NTM: variants seen among roughly 807,000 people sequenced by gnomAD.
The protein encoded by NTM is IgLON family member 2.
A neutral mutation model predicts 42.1 loss-of-function variants in NTM; 13 were observed. The ratio of observed to expected loss-of-function variants is 0.31; its 90% confidence interval spans 0.20 to 0.49. NTM has a LOEUF of 0.49. Among genes scored for constraint, NTM ranks in the 20% least tolerant of loss-of-function variants. NTM has a pLI of 0.99. For missense variants in NTM, 373 were observed against 452.8 expected (o/e 0.82, Z 1.60); for synonymous variants, 187 against 179.2 (o/e 1.04, Z -0.35).
chr11:131,821,485 T>A lies in NTM; in HGVS notation c.83-90079T>A, dbSNP rs1054165167. Among the ~76,000 whole-genome samples, 7 of 152,330 alleles carry A rather than the reference T, an allele frequency of 4.6e-5. No homozygotes were observed. The East Asian group carries it at 1.4e-3, about 29-fold the overall frequency. On this transcript the variant is annotated intron_variant, in intron 1 of 8. Transcript: ENST00000683400. Reference sequence around the variant, plus strand: ...CACTTGAGTCTATCCTGAATTTGCATTCTCATGCTCACTAATTTTGTGGAC... The same window carrying A: ...CACTTGAGTCTATCCTGAATTTGCAATCTCATGCTCACTAATTTTGTGGAC...
intron 4 of NTM, 150 bp downstream of exon 4, chr11:132,212,297 G>T: frequency 1.6e-6 from 1 of 618,552 alleles, no homozygotes; most frequent in Non-Finnish European, 2.8e-6. Context: ...TGCAGAGAAC[G>T]TTGATGTTCT....
chr11:131,414,847 T>C (rs1946776611), intron 1 of NTM, among the ~76,000 whole-genome samples: 1 of 152,206 alleles, frequency 6.6e-6, no homozygotes, highest in South Asian at 2.1e-4. Context: ...CTTCAGAAGC[T>C]TGCATGTTAG....
chr11:131,792,400 C>A (rs570997809), intron 1 of NTM, among the ~76,000 whole-genome samples: 2 of 152,138 alleles, frequency 1.3e-5, no homozygotes, highest in Non-Finnish European at 2.9e-5. Context: ...AGATTTCTGA[C>A]ACTCCAGGTT....
intron 2 of NTM, among the ~76,000 whole-genome samples, chr11:131,967,611 A>C (rs1430729189): frequency 6.6e-6 from 1 of 152,170 alleles, no homozygotes; most frequent in Non-Finnish European, 1.5e-5. Flanking sequence ...AAGACAACCA[A>C]CTTCCCTTTC....
chr11:132,156,002 A>T (rs2073105497), intron 3 of NTM, among the ~76,000 whole-genome samples: 1 of 152,168 alleles, frequency 6.6e-6, no homozygotes, highest in South Asian at 2.1e-4. Context: ...GGCCAAGAAA[A>T]TAATAAAGTC....
intron 4 of NTM, among the ~76,000 whole-genome samples, chr11:132,292,736 A>G (rs991061868): frequency 3.4e-5 from 5 of 149,186 alleles, no homozygotes; most frequent in Non-Finnish European, 5.9e-5. Context: ...CCAGGGAGAG[A>G]GAACAATGAT....
chr11:131,971,175 G>A (rs917617367), intron 2 of NTM, among the ~76,000 whole-genome samples: 4 of 152,120 alleles, frequency 2.6e-5, no homozygotes, highest in Admixed American at 6.5e-5. Context: ...GTGTACACTC[G>A]CCAGTAGAGT....
At chr11:131,618,857 C>A (rs757529945) in intron 1 of NTM, among the ~76,000 whole-genome samples, 2 of 152,162 alleles carry the variant, frequency 1.3e-5, no homozygotes, top group African/African-American at 4.8e-5. Flanking sequence ...GTATCCATCA[C>A]CAACTATTTA....
intron 2 of NTM, among the ~76,000 whole-genome samples, chr11:131,914,831 T>TG (rs2056009607): frequency 6.6e-6 from 1 of 152,218 alleles, no homozygotes; most frequent in Non-Finnish European, 1.5e-5. Context: ...CACTATGTGT[T>TG]GGGGAGTATC....
At chr11:131,585,207 C>CT (rs1178850952) in intron 1 of NTM, among the ~76,000 whole-genome samples, 1 of 152,192 alleles carries the variant, frequency 6.6e-6, no homozygotes, top group Non-Finnish European at 1.5e-5. Context: ...TAGTGACTTT[C>CT]TTTTTGGATT....
intron 1 of NTM, among the ~76,000 whole-genome samples, chr11:131,401,799 AATATATATATATATATAT>A (rs61167647): frequency 0.011 from 401 of 34,978 alleles, 27 homozygotes; most frequent in Middle Eastern, 0.043. Context: ...GGCCACTGGA[AATATATATATATATATAT>A]ATATATATAT....
chr11:131,524,277 T>C (rs2050160034), intron 1 of NTM, among the ~76,000 whole-genome samples: 1 of 152,202 alleles, frequency 6.6e-6, no homozygotes, highest in Non-Finnish European at 1.5e-5. Context: ...ACACGATCTT[T>C]CCAGTAGGAA....
intron 1 of NTM, among the ~76,000 whole-genome samples, chr11:131,818,121 T>C (rs2093027721): frequency 6.6e-6 from 1 of 152,056 alleles, no homozygotes; most frequent in Non-Finnish European, 1.5e-5. Context: ...TAGACTGAAA[T>C]CTCCCTCCTT....
chr11:132,051,337 G>A (rs1003589647), intron 2 of NTM, among the ~76,000 whole-genome samples: 12 of 152,304 alleles, frequency 7.9e-5, no homozygotes, highest in Middle Eastern at 3.4e-3. Flanking sequence ...CTGAGGCCCT[G>A]AGAGATTATG....
intron 1 of NTM, among the ~76,000 whole-genome samples, chr11:131,781,332 T>A (rs1254947261): frequency 2.0e-5 from 3 of 151,854 alleles, no homozygotes; most frequent in Admixed American, 6.6e-5. Flanking sequence ...AGAATTTAAG[T>A]TCATAAAAAC....
At chr11:131,481,084 TA>T (rs998809990) in intron 1 of NTM, among the ~76,000 whole-genome samples, 51 of 152,032 alleles carry the variant, frequency 3.4e-4, no homozygotes, top group African/African-American at 1.0e-3. Flanking sequence ...GTAGAGTAGG[TA>T]GAAATGGACA....
chr11:132,090,014 G>A (rs997715582), intron 2 of NTM, among the ~76,000 whole-genome samples: 1 of 152,052 alleles, frequency 6.6e-6, no homozygotes, highest in East Asian at 1.9e-4. Context: ...CACTCTTCCA[G>A]ATGCTTTGTA....
At chr11:132,190,484 T>G (rs1047425946) in intron 3 of NTM, among the ~76,000 whole-genome samples, 3 of 152,092 alleles carry the variant, frequency 2.0e-5, no homozygotes, top group Non-Finnish European at 4.4e-5. Flanking sequence ...ACACCTGTAA[T>G]CCCAGCACTT....
chr11:132,250,846 G>T (rs973498231), intron 4 of NTM, among the ~76,000 whole-genome samples: 1 of 151,908 alleles, frequency 6.6e-6, no homozygotes, highest in African/African-American at 2.4e-5. Flanking sequence ...TCCATTATCT[G>T]ATATATTTGT....
Sources: allele counts gnomAD v4.1 joint callset (sites outside exome capture counted in the v4.1 genomes callset), GRCh38; gene constraint gnomAD v4.1.1; transcripts MANE v1.5; gene names NCBI Gene and HGNC (gene_info 2026-07-23, HGNC 2026-07-21).